ERG: variants seen among roughly 807,000 people sequenced by gnomAD.
ERG encodes ETS transcription factor ERG, also known as transcriptional regulator ERG.
Under a neutral mutation model 55.3 loss-of-function variants are expected in ERG, and 9 were observed. The observed-to-expected ratio is 0.16, with a 90% CI of 0.10 to 0.28. The LOEUF is 0.28. ERG is among the 10% of genes least tolerant of loss of function. ERG has a pLI of 1.00. For synonymous variants in ERG, 223 were observed against 237.3 expected, an observed-to-expected ratio of 0.94 and a Z score of 0.55; for missense variants, 434 against 631.6, an observed-to-expected ratio of 0.69 and a Z score of 3.35.
chr21:38,528,586 T>G (rs1356514846), intron 2 of ERG, among the ~76,000 whole-genome samples: 2 of 91,238 alleles, frequency 2.2e-5, no homozygotes, highest in East Asian at 2.2e-4. Flanking sequence ...TAGCTGGGAC[T>G]ACAGGCACCC....
At chr21:38,488,517 G>T (rs1320479733) in intron 1 of ERG, among the ~76,000 whole-genome samples, 1 of 148,256 alleles carries the variant, frequency 6.7e-6, no homozygotes, top group Non-Finnish European at 1.5e-5. Flanking sequence ...CTATTGTTTA[G>T]TGTGTGTGCA....
intron 1 of ERG, among the ~76,000 whole-genome samples, chr21:38,576,521 C>T (rs1351253656): frequency 6.6e-6 from 1 of 152,306 alleles, no homozygotes. Context: ...TTTAAAGATG[C>T]CTATAATCCA....
the ERG span, among the ~76,000 whole-genome samples, chr21:38,372,336 C>T: frequency 1.0e-3 from 156 of 151,848 alleles, 3 homozygotes; most frequent in East Asian, 0.029. Flanking sequence ...TTGTTAATTT[C>T]TGTTATCTTT....
chr21:38,438,166 C>T (rs2058808219), intron 2 of ERG, among the ~76,000 whole-genome samples: 1 of 152,262 alleles, frequency 6.6e-6, no homozygotes, highest in Non-Finnish European at 1.5e-5. Flanking sequence ...TCTCCCTCAA[C>T]TGCCTTTGCA....
At chr21:38,391,297 C>G (rs1281377824) in intron 8 of ERG, among the ~76,000 whole-genome samples, 1 of 152,166 alleles carries the variant, frequency 6.6e-6, no homozygotes, top group East Asian at 1.9e-4. Flanking sequence ...GCTCAAGGCT[C>G]ACACCAACCA....
At chr21:38,508,007 AC>A (rs369718390) in intron 2 of ERG, among the ~76,000 whole-genome samples, 3 of 151,316 alleles carry the variant, frequency 2.0e-5, no homozygotes, top group East Asian at 1.9e-4. Flanking sequence ...ATGCACACAC[AC>A]AGAGACACAC....
At chr21:38,407,634 G>GTTTATA (rs1555894514) in intron 3 of ERG, among the ~76,000 whole-genome samples, 1 of 3,298 alleles carries the variant, frequency 3.0e-4, no homozygotes, top group African/African-American at 5.7e-4. Context: ...CTTACAAAAG[G>GTTTATA]TATATATATA....
intron 2 of ERG, among the ~76,000 whole-genome samples, chr21:38,442,656 G>A (rs934480528): frequency 1.3e-5 from 2 of 152,046 alleles, no homozygotes; most frequent in Non-Finnish European, 2.9e-5. Context: ...CTCCCAACCT[G>A]TACCCCTGGG....
At chr21:38,480,458 T>A (rs528028878) in intron 1 of ERG, among the ~76,000 whole-genome samples, 1 of 152,052 alleles carries the variant, frequency 6.6e-6, no homozygotes, top group African/African-American at 2.4e-5. Flanking sequence ...TCCCAAGCTA[T>A]AACAGAATAA....
chr21:38,444,072 A>G (rs2058866590), intron 2 of ERG, among the ~76,000 whole-genome samples: 1 of 152,196 alleles, frequency 6.6e-6, no homozygotes, highest in African/African-American at 2.4e-5. Context: ...CATTCCCTCT[A>G]GGACACTGTG....
chr21:38,586,781 G>T (rs1295533442), upstream of ERG, among the ~76,000 whole-genome samples: 1 of 152,150 alleles, frequency 6.6e-6, no homozygotes, highest in African/African-American at 2.4e-5. Flanking sequence ...TCCCACTCTG[G>T]AGATAGATCC....
chr21:38,508,478 C>T (rs987584733), intron 2 of ERG, among the ~76,000 whole-genome samples: 1 of 152,014 alleles, frequency 6.6e-6, no homozygotes, highest in Non-Finnish European at 1.5e-5. Context: ...ATTTTGCTGG[C>T]ATCATGATTA....
At chr21:38,581,770 G>C (rs779421926) in intron 1 of ERG, among the ~76,000 whole-genome samples, 2 of 152,158 alleles carry the variant, frequency 1.3e-5, no homozygotes, top group Non-Finnish European at 2.9e-5. Flanking sequence ...GCGGCCAGGC[G>C]CGGTGGCTCA....
chr21:38,441,305 G>A (rs551216739), intron 2 of ERG, among the ~76,000 whole-genome samples: 2 of 152,308 alleles, frequency 1.3e-5, no homozygotes, highest in South Asian at 4.1e-4. Context: ...CATTTGCACA[G>A]GTAGCTAGTC....
upstream of ERG, among the ~76,000 whole-genome samples, chr21:38,585,529 C>CTTTTT (rs1568931635): frequency 2.2e-4 from 5 of 22,676 alleles, no homozygotes; most frequent in Non-Finnish European, 5.4e-4. Flanking sequence ...CCCTCTCTCT[C>CTTTTT]TTCTTTTTTT....
chr21:38,578,783 A>G (rs1004879171), intron 1 of ERG, among the ~76,000 whole-genome samples: 15 of 152,192 alleles, frequency 9.9e-5, no homozygotes, highest in African/African-American at 3.6e-4. Flanking sequence ...TCATGGCTGA[A>G]TAAGTGCTTA....
intron 2 of ERG, among the ~76,000 whole-genome samples, chr21:38,571,296 G>C (rs148148448): frequency 0.031 from 4,705 of 152,104 alleles, 260 homozygotes; most frequent in African/African-American, 0.11. Flanking sequence ...AGGATTGCTT[G>C]AGCCCAGAGT....
exon 2 of ERG, chr21:38,575,710 T>G: frequency 6.2e-7 from 1 of 1,614,078 alleles, no homozygotes; most frequent in East Asian, 2.2e-5. Context: ...TGTCCTTCAG[T>G]AAGCCAGCCC....
At chr21:38,409,886 A>C (rs946969161) in intron 3 of ERG, among the ~76,000 whole-genome samples, 1 of 152,260 alleles carries the variant, frequency 6.6e-6, no homozygotes, top group Non-Finnish European at 1.5e-5. Context: ...AATTTTTAAA[A>C]ATCTTAAATA....
Sources: allele counts gnomAD v4.1 joint callset (sites outside exome capture counted in the v4.1 genomes callset), GRCh38; gene constraint gnomAD v4.1.1; transcripts MANE v1.5; gene names NCBI Gene and HGNC (gene_info 2026-07-23, HGNC 2026-07-21).